Variants in PLA2G4C observed in about 807,000 individuals in gnomAD.
PLA2G4C encodes the protein cytosolic phospholipase A2 gamma.
A neutral mutation model predicts 73.8 loss-of-function variants in PLA2G4C; 64 were observed. That is an observed-to-expected ratio of 0.87 (90% CI 0.71 to 1.07). The LOEUF (loss-of-function observed/expected upper bound fraction) is 1.07. Among genes scored for constraint, PLA2G4C ranks in the 50% least tolerant of loss-of-function variants. The pLI is 0.00. For synonymous variants in PLA2G4C, 254 were observed against 252.1 expected, an observed-to-expected ratio of 1.01 and a Z score of -0.07; for missense variants, 622 against 665.4, an observed-to-expected ratio of 0.93 and a Z score of 0.72.
In PLA2G4C at chr19:48,110,471, T is replaced by C. The variant is rs1346834536; in HGVS notation, c.-33+16A>G. The C allele has an allele frequency of 6.8e-7, 1 of 1,470,434 alleles. No individual in the cohort carries two copies. 91.1% of individuals were successfully genotyped at this position (1,470,434 alleles called of 1,614,324 possible). ...CCCAGCGGGATGAAACAGCCCTCCCTGCCCCCACGGCTTGCCTGAGCCTGG... is the reference window on the plus strand; with the variant it reads ...CCCAGCGGGATGAAACAGCCCTCCCCGCCCCCACGGCTTGCCTGAGCCTGG... On this transcript the variant is annotated intron_variant, in intron 1 of 16. Transcript: ENST00000599921.
intron 9 of PLA2G4C, among the ~76,000 whole-genome samples, chr19:48,087,290 A>G (rs11564569): frequency 0.028 from 4,205 of 152,300 alleles, 153 homozygotes; most frequent in African/African-American, 0.084. Context: ...CCTGGTGTGC[A>G]TGAAGGGTCT....
In PLA2G4C at chr19:48,054,961, G is replaced by A. The variant is rs1203902614; in HGVS notation, c.1346C>T (p.Ala449Val). The A allele has an allele frequency of 3.1e-6, 5 of 1,613,708 alleles. No individual in the cohort carries two copies. The highest frequency in any genetic ancestry group is 2.7e-5 in the African/African-American group (2 of 74,826). The part of the protein sequence containing the change: ...EEAELDLWSK[A>V]PASCYILKGE... ...TTTCAGGATGTAGCAGCTGGCGGGG[G>A]CCTTGGACCACAAATCCAGCTCAGC... The change falls in exon 15 of 17, where the codon GCC (alanine) becomes GTC (valine). Residue 449 changes from alanine to valine, a missense_variant. Coordinates refer to ENST00000599921, the MANE Select transcript of PLA2G4C (RefSeq NM_003706.3).
intron 7 of PLA2G4C, among the ~76,000 whole-genome samples, chr19:48,091,913 A>T (rs1183922980): frequency 7.1e-6 from 1 of 140,078 alleles, no homozygotes; most frequent in Non-Finnish European, 1.5e-5. Flanking sequence ...AAAAAAATAG[A>T]CACACCCATT....
chr19:48,100,634 G>A (rs1229941332), intron 4 of PLA2G4C, among the ~76,000 whole-genome samples: 1 of 145,274 alleles, frequency 6.9e-6, no homozygotes, highest in Non-Finnish European at 1.5e-5. Context: ...AAAAAGCTGG[G>A]CGTGGTGGCT....
At position 48,101,131 on chromosome 19, in the gene PLA2G4C, T is replaced by A. The variant is rs1277130730; in HGVS notation, c.258-1271A>T. ...ATATATATATATATATATATATTTT[T>A]TTTTTTTTTTTTGAGACAGGTCTTG... On this transcript the variant is annotated intron_variant, in intron 4 of 16. Transcript: ENST00000599921. Among the ~76,000 whole-genome samples the A allele has an allele frequency of 9.0e-3, 1,133 of 126,422 alleles. 10 individuals carry two copies. Among genetic ancestry groups the A allele is most frequent in the African/African-American group, 0.016 (500 of 31,590 alleles). The allele number at this position is 126,422 out of a possible 152,430, so 82.9% of individuals were successfully genotyped here. A position where few individuals can be genotyped will look rare whatever the true frequency, so the allele number is the denominator to read the frequency against.
chr19:48,110,611 C>G lies in PLA2G4C; in HGVS notation c.-157G>C. The G allele has an allele frequency of 2.6e-6, 2 of 767,366 alleles. No homozygotes were observed. The highest frequency in any genetic ancestry group is 3.3e-6 in the Non-Finnish European group (2 of 600,500). 47.5% of individuals were successfully genotyped at this position (767,366 alleles called of 1,614,324 possible). On this transcript the variant is annotated 5_prime_UTR_variant, in exon 1 of 17. Coordinates refer to ENST00000599921, the MANE Select transcript of PLA2G4C (RefSeq NM_003706.3). Reference sequence around the variant, plus strand: ...TGGACAGCTCCTTCAGCCGGAATCTCCGCGGGTGAAGACTGCGGGGATCCT... The same window carrying G: ...TGGACAGCTCCTTCAGCCGGAATCTGCGCGGGTGAAGACTGCGGGGATCCT...
intron 9 of PLA2G4C, among the ~76,000 whole-genome samples, chr19:48,086,436 C>T (rs545525909): frequency 1.3e-5 from 2 of 152,120 alleles, no homozygotes; most frequent in Non-Finnish European, 2.9e-5. Context: ...CCACCCCCAC[C>T]CCCTGATACC....
rs548023169 is a variant in PLA2G4C at position 48,104,324 on chromosome 19, G to A, written c.257+264C>T. The A allele has an allele frequency of 5.5e-5, 21 of 383,124 alleles. No homozygotes were observed. In the Admixed American group the frequency reaches 6.3e-4, roughly 11 times the overall value. The allele number at this position is 383,124 out of a possible 1,614,324, so 23.7% of individuals were successfully genotyped here. Reference sequence around the variant, plus strand: ...GGGAAACCCCAAACTATTGCCAGTCGGTCAGAAGCACCAGCGGCTAGGTAA... The same window carrying A: ...GGGAAACCCCAAACTATTGCCAGTCAGTCAGAAGCACCAGCGGCTAGGTAA... On this transcript the variant is annotated intron_variant, in intron 4 of 16. Transcript: ENST00000599921.
chr19:48,071,856 G>A (rs1190434367), intron 12 of PLA2G4C, among the ~76,000 whole-genome samples: 1 of 151,952 alleles, frequency 6.6e-6, no homozygotes, highest in African/African-American at 2.4e-5. Flanking sequence ...CTTATAGTAA[G>A]TTAAGAATTG....
chr19:48,061,904 G>A (rs941878567), intron 14 of PLA2G4C, 94 bp downstream of exon 14: 25 of 1,322,066 alleles, frequency 1.9e-5, no homozygotes, highest in South Asian at 6.2e-5. Flanking sequence ...CCCATTGCCC[G>A]CTTCCCAGCC....
Position 48,088,951 on chromosome 19 carries a change from T to C in PLA2G4C, c.764-239A>G, listed in dbSNP as rs148835902. On this transcript the variant is annotated intron_variant, in intron 8 of 16. Transcript: ENST00000599921. ...GGTGGGAACATTTACACCACAGGAA[T>C]TGGCAAACACTACATATCAGGAATT... Among the ~76,000 whole-genome samples the C allele has an allele frequency of 2.9e-3, 446 of 152,296 alleles. 1 individual carries two copies. The highest frequency in any genetic ancestry group is 8.8e-3 in the African/African-American group (365 of 41,566).
rs1248262555 is a variant in PLA2G4C, at chr19:48,074,790, G to T, written c.983C>A (p.Pro328His). Residue 328 changes from proline to histidine, a missense_variant, in exon 12 of 17, where the codon CCC (proline) becomes CAC (histidine). Pro to His is a moderately conservative substitution (Grantham distance 77, BLOSUM62 -2). Transcript: ENST00000599921. Reference sequence around the variant, plus strand: ...ACCTTTCCTTTCGGGGTCCTCATGGGGCTGCTCCTGCTTTTCCAGGGAGGT... The same window carrying T: ...ACCTTTCCTTTCGGGGTCCTCATGGTGCTGCTCCTGCTTTTCCAGGGAGGT... ...TRTSLEKQEQ[P>H]HEDPERKGSL... The T allele has an allele frequency of 6.2e-7, 1 of 1,613,266 alleles. No homozygotes were observed. Among genetic ancestry groups the T allele is most frequent in the Non-Finnish European group, 8.5e-7 (1 of 1,179,350 alleles).
At chr19:48,092,552 T>C (rs1382141614) in intron 7 of PLA2G4C, among the ~76,000 whole-genome samples, 1 of 152,240 alleles carries the variant, frequency 6.6e-6, no homozygotes, top group East Asian at 1.9e-4. Flanking sequence ...GGTATATTCG[T>C]ACAATGGAAT....
In PLA2G4C at chr19:48,077,826, T is replaced by C; in HGVS notation, c.845-2A>G. ...TTTCTTGCAGCCTCAGTAATCGGGC[T>C]GCAAAAGAGCAGAGGCAGGGGGAAT... is the stretch of plus-strand genomic sequence containing the variant. On this transcript the variant is annotated splice_acceptor_variant, in intron 10 of 16. Transcript: ENST00000599921. LOFTEE classifies it high-confidence loss of function. 6.2e-7 allele frequency: 1 copy of C among 1,605,896 alleles called. No individual in the cohort carries two copies.
chr19:48,055,513 A>G (rs1967908308), intron 14 of PLA2G4C, among the ~76,000 whole-genome samples: 1 of 151,806 alleles, frequency 6.6e-6, no homozygotes, highest in African/African-American at 2.4e-5. Flanking sequence ...GATATGTGGT[A>G]TGGGTGCATC....
At chr19:48,102,103 C>T (rs1404901610) in intron 4 of PLA2G4C, among the ~76,000 whole-genome samples, 1 of 151,944 alleles carries the variant, frequency 6.6e-6, no homozygotes, top group African/African-American at 2.4e-5. Context: ...TTTTTCTTAA[C>T]GATGTGTCAA....
At chr19:48,106,687 C>A (rs919389898) in intron 1 of PLA2G4C, 126 bp from the exon 2 acceptor site, 9 of 696,382 alleles carry the variant, frequency 1.3e-5, no homozygotes, top group East Asian at 2.7e-5. Flanking sequence ...AAAACCAATG[C>A]GAACAGCAGG....
chr19:48,100,960 A>C (rs2031879574), intron 4 of PLA2G4C, among the ~76,000 whole-genome samples: 1 of 148,692 alleles, frequency 6.7e-6, no homozygotes, highest in South Asian at 2.1e-4. Flanking sequence ...TCATTTGTTC[A>C]CTCAATAAAT....
chr19:48,058,753 G>T (rs1968057544), intron 14 of PLA2G4C, among the ~76,000 whole-genome samples: 1 of 151,524 alleles, frequency 6.6e-6, no homozygotes, highest in African/African-American at 2.4e-5. Flanking sequence ...GGGAGGCGAA[G>T]GTTGCAGTGA....
Sources: gnomAD v4.1 joint callset for allele counts (sites outside exome capture counted in the v4.1 genomes callset) on GRCh38, gnomAD v4.1.1 for gene constraint, MANE v1.5 for transcripts, NCBI Gene and HGNC (gene_info 2026-07-23, HGNC 2026-07-21) for gene names.